Variants in COL11A1 observed in about 807,000 individuals in gnomAD.
COL11A1 encodes the protein collagen alpha-1(XI) chain.
Under a neutral mutation model 265.2 loss-of-function variants are expected in COL11A1, and 74 were observed. The ratio of observed to expected loss-of-function variants is 0.28; its 90% confidence interval spans 0.23 to 0.34. COL11A1 has a LOEUF of 0.34. Among genes scored for constraint, COL11A1 ranks in the 10% least tolerant of loss-of-function variants. The probability of loss-of-function intolerance (pLI) is 1.00; values close to 1 mark genes in which losing one functional copy is unlikely to be tolerated. For synonymous variants in COL11A1, 816 were observed against 727.6 expected (o/e 1.12, Z -1.96); for missense variants, 2,165 against 2,263.6 (o/e 0.96, Z 0.88).
intron 54 of COL11A1, among the ~76,000 whole-genome samples, chr1:102,900,810 G>C (rs1227354049): frequency 6.6e-6 from 1 of 152,038 alleles, no homozygotes; most frequent in Non-Finnish European, 1.5e-5. Flanking sequence ...ACAAATATCT[G>C]TCATAGTAAA....
At chr1:102,913,932 A>C (rs1570711581) in intron 52 of COL11A1, among the ~76,000 whole-genome samples, 1 of 152,308 alleles carries the variant, frequency 6.6e-6, no homozygotes, top group Admixed American at 6.5e-5. Flanking sequence ...TCTTTATATA[A>C]GGAAGAAAGA....
chr1:103,038,432 C>G (rs1046706493), intron 4 of COL11A1, among the ~76,000 whole-genome samples: 1 of 152,008 alleles, frequency 6.6e-6, no homozygotes, highest in Non-Finnish European at 1.5e-5. Context: ...GCCACTGCCA[C>G]TGCACTCAGC....
At chr1:102,903,796 AC>A (rs760049197) in intron 54 of COL11A1, among the ~76,000 whole-genome samples, 68 of 152,220 alleles carry the variant, frequency 4.5e-4, no homozygotes, top group Middle Eastern at 6.8e-3. Flanking sequence ...GTTTGTGTTC[AC>A]CTGTGGTATA....
chr1:103,043,499 G>T (rs575880536), intron 4 of COL11A1, among the ~76,000 whole-genome samples: 49 of 152,062 alleles, frequency 3.2e-4, no homozygotes, highest in African/African-American at 1.2e-3. Flanking sequence ...ACAATTCCTG[G>T]ACTAGGCCTT....
intron 4 of COL11A1, among the ~76,000 whole-genome samples, chr1:103,047,107 A>G (rs534522760): frequency 6.6e-6 from 1 of 152,238 alleles, no homozygotes; most frequent in South Asian, 2.1e-4. Flanking sequence ...TTGGTTCCAT[A>G]TGAACTTTAA....
chr1:103,094,643 T>C (rs908311730), intron 1 of COL11A1, among the ~76,000 whole-genome samples: 6 of 152,122 alleles, frequency 3.9e-5, no homozygotes, highest in Admixed American at 6.6e-5. Context: ...GGAAAATCTT[T>C]ATGATGATTC....
At chr1:102,911,829 C>T (rs933781226) in intron 54 of COL11A1, among the ~76,000 whole-genome samples, 1 of 152,108 alleles carries the variant, frequency 6.6e-6, no homozygotes, top group African/African-American at 2.4e-5. Context: ...GACAGCTCAT[C>T]CCCATGTATT....
rs1223983975 is a variant in COL11A1 at position 102,881,735 on chromosome 1, G to A, written c.5002C>T (p.Pro1668Ser). The change falls in exon 65 of 67, where the codon CCA (proline) becomes TCA (serine). Residue 1668 changes from proline to serine, a missense_variant. Coordinates refer to ENST00000370096, the MANE Select transcript of COL11A1 (RefSeq NM_001854.4). Reference sequence around the variant, plus strand: ...TTAAATTCACTAAACCAACTTCCTGGTTTCTCCTTTGGCCATGATGAAATT... The same window carrying A: ...TTAAATTCACTAAACCAACTTCCTGATTTCTCCTTTGGCCATGATGAAATT... The part of the protein sequence containing the change: ...VRISSWPKEK[P>S]GSWFSEFKRG... The A allele has an allele frequency of 6.2e-7, 1 of 1,612,532 alleles. No individual in the cohort carries two copies. Among genetic ancestry groups the A allele is most frequent in the Admixed American group, 1.7e-5 (1 of 59,938 alleles).
intron 28 of COL11A1, among the ~76,000 whole-genome samples, chr1:102,994,073 T>C (rs1328564462): frequency 6.6e-6 from 1 of 152,168 alleles, no homozygotes; most frequent in East Asian, 1.9e-4. Context: ...TAACAGTAGC[T>C]TTTTCCAGAT....
At chr1:103,054,028 C>T (rs1558003917) in intron 4 of COL11A1, among the ~76,000 whole-genome samples, 1 of 151,986 alleles carries the variant, frequency 6.6e-6, no homozygotes, top group Non-Finnish European at 1.5e-5. Context: ...TGTGGTATCC[C>T]CTGAGATTTT....
At chr1:103,051,408 GC>G (rs1289484586) in intron 4 of COL11A1, among the ~76,000 whole-genome samples, 2 of 152,204 alleles carry the variant, frequency 1.3e-5, no homozygotes, top group East Asian at 3.9e-4. Context: ...TGAGCCATGT[GC>G]GGGATATAAT....
intron 24 of COL11A1, chr1:103,001,333 A>T (rs1340133381): frequency 1.4e-4 from 56 of 396,120 alleles, no homozygotes; most frequent in Non-Finnish European, 3.6e-5. Context: ...AAAAATAATG[A>T]AAGAAAAAAG....
chr1:102,879,536 C>T (rs1649962195), intron 66 of COL11A1, 147 bp downstream of exon 66: 3 of 726,300 alleles, frequency 4.1e-6, no homozygotes, highest in South Asian at 1.5e-5. Context: ...TTCTCACATA[C>T]CATAGTTTAA....
At chr1:103,107,842 CT>C (rs945398015) in intron 1 of COL11A1, among the ~76,000 whole-genome samples, 1 of 152,086 alleles carries the variant, frequency 6.6e-6, no homozygotes, top group Non-Finnish European at 1.5e-5. Context: ...CCTGACAGAT[CT>C]TTTTTTCCTG....
intron 54 of COL11A1, among the ~76,000 whole-genome samples, chr1:102,907,578 T>C (rs1268697467): frequency 2.6e-5 from 4 of 152,066 alleles, no homozygotes; most frequent in Non-Finnish European, 4.4e-5. Context: ...GTTTACCACT[T>C]ATGTTAAAAT....
rs1006564948 is a variant in COL11A1, at chr1:103,018,863, T to A, written c.1309-4A>T. 7 of 1,611,720 alleles carry A rather than the reference T, an allele frequency of 4.3e-6. No homozygotes were observed. In the Admixed American group the frequency reaches 5.0e-5, roughly 12 times the overall value. ...GTGGTCCTTCGACAAGCATACCCTA[T>A]AACAGGAAAAGAGAACATCTCTACC... On this transcript the variant is annotated splice_region_variant and splice_polypyrimidine_tract_variant and intron_variant, in intron 9 of 66. Transcript: ENST00000370096.
chr1:102,967,444 G>T (rs935477071), intron 37 of COL11A1, among the ~76,000 whole-genome samples: 1 of 151,666 alleles, frequency 6.6e-6, no homozygotes, highest in Non-Finnish European at 1.5e-5. Flanking sequence ...GTTTCACCGT[G>T]TTAGAAAGGA....
At chr1:102,887,602 G>A (rs757435212) in intron 62 of COL11A1, among the ~76,000 whole-genome samples, 13 of 151,978 alleles carry the variant, frequency 8.6e-5, no homozygotes, top group Admixed American at 2.6e-4. Flanking sequence ...TTTACATTAC[G>A]AGCAGAGCTA....
intron 2 of COL11A1, among the ~76,000 whole-genome samples, chr1:103,079,853 A>G (rs1324511569): frequency 6.6e-6 from 1 of 151,926 alleles, no homozygotes; most frequent in Non-Finnish European, 1.5e-5. Context: ...CATTCATTCC[A>G]AATTCTATTA....
Sources: gnomAD v4.1 joint callset for allele counts (sites outside exome capture counted in the v4.1 genomes callset) on GRCh38, gnomAD v4.1.1 for gene constraint, MANE v1.5 for transcripts, NCBI Gene and HGNC (gene_info 2026-07-23, HGNC 2026-07-21) for gene names.